Variants in ZNF521 observed in about 807,000 individuals in gnomAD.
ZNF521 encodes the protein zinc finger protein 521, also known as LYST-interacting protein 3.
ZNF521 carries 14 observed loss-of-function variants against 105.5 expected under a neutral mutation model. The ratio of observed to expected loss-of-function variants is 0.13; its 90% CI spans 0.09 to 0.21. The LOEUF is 0.21. ZNF521 is among the 10% of genes least tolerant of loss of function. The pLI, the probability that ZNF521 is intolerant of heterozygous loss-of-function variation, is 1.00. For missense variants in ZNF521, 1,233 were observed against 1,629.7 expected (o/e 0.76, Z 4.19); for synonymous variants, 635 against 606.0 (o/e 1.05, Z -0.70).
At chr18:25,290,979 C>T (rs989249994) in intron 3 of ZNF521, among the ~76,000 whole-genome samples, 5 of 152,050 alleles carry the variant, frequency 3.3e-5, no homozygotes, top group South Asian at 2.1e-4. Context: ...TTGATTTAGA[C>T]GAAATATAAA....
intron 2 of ZNF521, among the ~76,000 whole-genome samples, chr18:25,336,401 T>C (rs530649801): frequency 7.9e-5 from 12 of 152,322 alleles, no homozygotes; most frequent in Admixed American, 2.6e-4. Flanking sequence ...GAATTATTTG[T>C]CTCCAGTTCC....
chr18:25,119,045 A>G (rs929235427), intron 5 of ZNF521, among the ~76,000 whole-genome samples: 2 of 152,172 alleles, frequency 1.3e-5, no homozygotes. Flanking sequence ...AAAATAAGCC[A>G]ACTGCTCTGG....
intron 7 of ZNF521, chr18:25,082,587 GC>G (rs2144174908): frequency 2.3e-6 from 1 of 444,386 alleles, no homozygotes; most frequent in African/African-American, 2.0e-5. Flanking sequence ...TGTAATCCTA[GC>G]ACTTTGGGAG....
intron 5 of ZNF521, among the ~76,000 whole-genome samples, chr18:25,133,091 A>T (rs2034670504): frequency 6.6e-6 from 1 of 152,230 alleles, no homozygotes; most frequent in Admixed American, 6.5e-5. Flanking sequence ...ATGCCAGGTC[A>T]GTGGACACAG....
intron 5 of ZNF521, among the ~76,000 whole-genome samples, chr18:25,122,992 T>A (rs2034471618): frequency 6.6e-6 from 1 of 152,078 alleles, no homozygotes; most frequent in Non-Finnish European, 1.5e-5. Context: ...TAACTTAGGA[T>A]GAGATTCTAT....
chr18:25,264,918 G>A (rs1568043136), intron 3 of ZNF521, among the ~76,000 whole-genome samples: 2 of 152,090 alleles, frequency 1.3e-5, no homozygotes, highest in Non-Finnish European at 2.9e-5. Context: ...ACCAAGTATG[G>A]CAGGAAGGAG....
chr18:25,246,089 G>T (rs959902045), intron 3 of ZNF521, among the ~76,000 whole-genome samples: 3 of 152,108 alleles, frequency 2.0e-5, no homozygotes, highest in Non-Finnish European at 4.4e-5. Context: ...GGTGGGAGGA[G>T]GGGGGAGGGA....
chr18:25,214,703 T>G (rs960616278), intron 4 of ZNF521, among the ~76,000 whole-genome samples: 1 of 152,176 alleles, frequency 6.6e-6, no homozygotes, highest in Non-Finnish European at 1.5e-5. Flanking sequence ...ATAAATTACT[T>G]GTATTATAGT....
intron 3 of ZNF521, among the ~76,000 whole-genome samples, chr18:25,289,678 G>T (rs1032937688): frequency 6.6e-6 from 1 of 152,128 alleles, no homozygotes; most frequent in Non-Finnish European, 1.5e-5. Context: ...ACTCTCTTGT[G>T]TGTCCAAGAT....
intron 2 of ZNF521, among the ~76,000 whole-genome samples, chr18:25,346,319 G>C (rs1418615126): frequency 6.6e-6 from 1 of 151,684 alleles, no homozygotes; most frequent in Admixed American, 6.6e-5. Context: ...CTACCCGTAA[G>C]TATATATATT....
At chr18:25,267,088 G>T (rs1024033474) in intron 3 of ZNF521, among the ~76,000 whole-genome samples, 2 of 152,098 alleles carry the variant, frequency 1.3e-5, no homozygotes, top group African/African-American at 4.8e-5. Flanking sequence ...GAGCTTGGTG[G>T]GGGGAGGGGC....
intron 3 of ZNF521, among the ~76,000 whole-genome samples, chr18:25,289,248 A>G (rs538181661): frequency 1.3e-5 from 2 of 152,242 alleles, no homozygotes; most frequent in Non-Finnish European, 2.9e-5. Context: ...CTTACCAGCA[A>G]TCTTGTAAAT....
intron 2 of ZNF521, 107 bp from the exon 3 acceptor site, chr18:25,322,294 G>A (rs1434589653): frequency 9.2e-7 from 1 of 1,092,562 alleles, no homozygotes; most frequent in South Asian, 1.2e-5. Context: ...CCTTGAAGTT[G>A]CAATAGGAGG....
intron 6 of ZNF521, among the ~76,000 whole-genome samples, chr18:25,090,567 A>G (rs1299178445): frequency 3.3e-5 from 5 of 152,344 alleles, no homozygotes; most frequent in African/African-American, 1.2e-4. Context: ...AAGATACGCT[A>G]AAACAATTCA....
chr18:25,131,608 C>G (rs2034642401), intron 5 of ZNF521, among the ~76,000 whole-genome samples: 1 of 152,100 alleles, frequency 6.6e-6, no homozygotes, highest in African/African-American at 2.4e-5. Context: ...ACCCAAGCTC[C>G]TTTAGAAAAC....
At chr18:25,129,893 CAA>C (rs1170565490) in intron 5 of ZNF521, among the ~76,000 whole-genome samples, 1 of 152,108 alleles carries the variant, frequency 6.6e-6, no homozygotes, top group African/African-American at 2.4e-5. Context: ...GGTGGGAATA[CAA>C]AATTATACTG....
At position 25,062,485 on chromosome 18, in the gene ZNF521, T is replaced by C. The variant is rs1242905339; in HGVS notation, c.*227A>G. 13 of 527,184 alleles carry C rather than the reference T, an allele frequency of 2.5e-5. No individual in the cohort carries two copies. Among genetic ancestry groups the C allele is most frequent in the Admixed American group, 8.1e-5 (2 of 24,738 alleles). The allele number at this position is 527,184 out of a possible 1,614,324, so 32.7% of individuals were successfully genotyped here. On this transcript the variant is annotated 3_prime_UTR_variant, in exon 8 of 8. Transcript: ENST00000361524. ...TCCACTTGTCTTTATAAGACCATTT[T>C]AGTATCAGACGACATAATACATGTG...
In ZNF521 at chr18:25,062,684, C is replaced by A. The variant is rs1301014093; in HGVS notation, c.*28G>T. The A allele has an allele frequency of 2.2e-6, 3 of 1,369,350 alleles. No homozygotes were observed. The highest frequency in any genetic ancestry group is 2.9e-6 in the Non-Finnish European group (3 of 1,041,300). 84.8% of individuals were successfully genotyped at this position (1,369,350 alleles called of 1,614,324 possible). ...ATGTTCCCTTTTTGTGCCACAAAAT[C>A]AATTCTCCTTGAGAGACTGTACTTG... On this transcript the variant is annotated 3_prime_UTR_variant, in exon 8 of 8. Coordinates refer to ENST00000361524, the MANE Select transcript of ZNF521 (RefSeq NM_015461.3).
chr18:25,197,370 A>G (rs2035920128), intron 4 of ZNF521, among the ~76,000 whole-genome samples: 1 of 151,918 alleles, frequency 6.6e-6, no homozygotes, highest in Non-Finnish European at 1.5e-5. Flanking sequence ...TCCCAAATAC[A>G]AAGCAATGAT....
Sources: gnomAD v4.1 joint callset for allele counts (sites outside exome capture counted in the v4.1 genomes callset) on GRCh38, gnomAD v4.1.1 for gene constraint, MANE v1.5 for transcripts, NCBI Gene and HGNC (gene_info 2026-07-23, HGNC 2026-07-21) for gene names.